CAMK1D: variants seen among roughly 807,000 people sequenced by gnomAD.
The protein encoded by CAMK1D is calcium/calmodulin-dependent protein kinase type 1D.
In CAMK1D, 9 loss-of-function variants were observed where a neutral mutation model predicts 47.7. The observed-to-expected ratio is 0.19, with a 90% CI of 0.11 to 0.33. The LOEUF is 0.33. Ranked by LOEUF, CAMK1D falls within the 10% of genes least tolerant of loss-of-function variation. The pLI is 1.00. For missense variants in CAMK1D, 291 were observed against 488.7 expected, an observed-to-expected ratio of 0.60 and a Z score of 3.81; for synonymous variants, 184 against 184.9, an observed-to-expected ratio of 0.99 and a Z score of 0.04.
intron 1 of CAMK1D, among the ~76,000 whole-genome samples, chr10:12,389,276 C>G (rs1838635049): frequency 6.6e-6 from 1 of 152,114 alleles, no homozygotes; most frequent in African/African-American, 2.4e-5. Context: ...TGGCGCGTGC[C>G]AGCCCCGGGT....
At chr10:12,578,294 C>T (rs1345736617) in intron 2 of CAMK1D, among the ~76,000 whole-genome samples, 1 of 152,008 alleles carries the variant, frequency 6.6e-6, no homozygotes, top group African/African-American at 2.4e-5. Flanking sequence ...GCCTGTAATC[C>T]CAGGACTTTG....
intron 1 of CAMK1D, among the ~76,000 whole-genome samples, chr10:12,517,298 A>G (rs1383988492): frequency 1.3e-5 from 2 of 152,234 alleles, no homozygotes; most frequent in Non-Finnish European, 2.9e-5. Flanking sequence ...ATTTTTAAAA[A>G]CATAAACAAT....
At chr10:12,648,923 A>G (rs1045579106) in intron 2 of CAMK1D, among the ~76,000 whole-genome samples, 2 of 152,164 alleles carry the variant, frequency 1.3e-5, no homozygotes, top group African/African-American at 4.8e-5. Context: ...TGTTGCCTAG[A>G]CTGGAGAGCA....
chr10:12,714,054 C>T (rs1372763117), intron 3 of CAMK1D, among the ~76,000 whole-genome samples: 1 of 152,196 alleles, frequency 6.6e-6, no homozygotes, highest in Non-Finnish European at 1.5e-5. Context: ...CTGGAACCCT[C>T]ACCTCCACTG....
chr10:12,484,954 T>A (rs1208476549), intron 1 of CAMK1D, among the ~76,000 whole-genome samples: 1 of 152,184 alleles, frequency 6.6e-6, no homozygotes, highest in African/African-American at 2.4e-5. Context: ...CTTCTCCTCC[T>A]ACCCCAGGCC....
intron 2 of CAMK1D, among the ~76,000 whole-genome samples, chr10:12,591,886 G>T (rs577430986): frequency 8.8e-4 from 134 of 152,206 alleles, no homozygotes; most frequent in African/African-American, 2.9e-3. Flanking sequence ...GTAGAGACAG[G>T]GTTTCACTAT....
chr10:12,558,646 A>C (rs1017724806), intron 2 of CAMK1D, among the ~76,000 whole-genome samples: 1 of 152,184 alleles, frequency 6.6e-6, no homozygotes, highest in Non-Finnish European at 1.5e-5. Flanking sequence ...CATTTAAATG[A>C]GAGGTGAAGA....
intron 1 of CAMK1D, among the ~76,000 whole-genome samples, chr10:12,404,698 A>ATT (rs34265555): frequency 2.7e-4 from 40 of 146,050 alleles, no homozygotes; most frequent in South Asian, 1.3e-3. Flanking sequence ...GTTTTTAAAA[A>ATT]TTTTTTTTTT....
Position 12,538,031 on chromosome 10 carries a change from A to G in CAMK1D, c.93-15194A>G, listed in dbSNP as rs540491989. On this transcript the variant is annotated intron_variant, in intron 1 of 10. Coordinates refer to ENST00000619168, the MANE Select transcript of CAMK1D (RefSeq NM_153498.4). Reference sequence around the variant, plus strand: ...GTATCAAATGCTAGGCCGAAGAACAATGACACGACTTGTGTTCCATCTTTT... The same window carrying G: ...GTATCAAATGCTAGGCCGAAGAACAGTGACACGACTTGTGTTCCATCTTTT... Among the ~76,000 whole-genome samples, 11 of 152,312 alleles carry G rather than the reference A, an allele frequency of 7.2e-5. No individual in the cohort carries two copies. The South Asian group carries it at 2.1e-3, about 29-fold the overall frequency.
chr10:12,789,303 C>G lies in CAMK1D; in HGVS notation c.566-1855C>G, dbSNP rs557778676. Among the ~76,000 whole-genome samples, 103 of 152,230 alleles carry G rather than the reference C, an allele frequency of 6.8e-4. 1 individual carries two copies. In the Middle Eastern group the frequency reaches 0.017, roughly 25 times the overall value. ...GACAATTCTTCTTCTTCCACTGTGG[C>G]CCAGGGAAACCAAAAGATTGGACAC... is the stretch of plus-strand genomic sequence containing the variant. On this transcript the variant is annotated intron_variant, in intron 5 of 10. Transcript: ENST00000619168.
chr10:12,574,910 G>A lies in CAMK1D; in HGVS notation c.224+21554G>A, dbSNP rs139781994. ...CACGCTTCTAACAACCAGATCTCAC[G>A]AGAACTCACTATGAGGAGAACAACA... On this transcript the variant is annotated intron_variant, in intron 2 of 10. Coordinates refer to ENST00000619168, the MANE Select transcript of CAMK1D (RefSeq NM_153498.4). Among the ~76,000 whole-genome samples, 789 of 152,118 alleles carry A rather than the reference G, an allele frequency of 5.2e-3. 10 individuals carry two copies. Among genetic ancestry groups the A allele is most frequent in the African/African-American group, 0.017 (717 of 41,494 alleles).
chr10:12,570,649 C>A (rs1225672217), intron 2 of CAMK1D, among the ~76,000 whole-genome samples: 2 of 133,422 alleles, frequency 1.5e-5, no homozygotes, highest in Admixed American at 1.7e-4. Flanking sequence ...CATTGTGCTC[C>A]AGCTTGGGCA....
At position 12,832,286 on chromosome 10, in the gene CAMK1D, C is replaced by T. The variant is rs977048900; in HGVS notation, c.*3399C>T. ...AACAGGCCAGCAGCTTGGCCCTTTT[C>T]ACAGAGGTGGCCTTGGAGTCTGGAG... On this transcript the variant is annotated 3_prime_UTR_variant, in exon 11 of 11. Transcript: ENST00000619168. The T allele has an allele frequency of 6.6e-6, 1 of 152,280 alleles. No homozygotes were observed. The allele number at this position is 152,280 out of a possible 1,614,324, so 9.4% of individuals were successfully genotyped here. A position where few individuals can be genotyped will look rare whatever the true frequency, so the allele number is the denominator to read the frequency against.
intron 1 of CAMK1D, among the ~76,000 whole-genome samples, chr10:12,524,661 G>C (rs1258205797): frequency 1.3e-5 from 2 of 151,918 alleles, no homozygotes; most frequent in African/African-American, 4.8e-5. Flanking sequence ...GAGCCAAGAT[G>C]GCACCACTGC....
intron 3 of CAMK1D, among the ~76,000 whole-genome samples, chr10:12,735,350 C>T (rs993365471): frequency 4.6e-5 from 7 of 152,038 alleles, no homozygotes; most frequent in Non-Finnish European, 7.4e-5. Context: ...TGGTGGCGGG[C>T]GCCTGTAGTC....
intron 1 of CAMK1D, among the ~76,000 whole-genome samples, chr10:12,441,533 A>G (rs565496669): frequency 4.0e-4 from 61 of 152,006 alleles, no homozygotes; most frequent in African/African-American, 1.4e-3. Context: ...TTTGTTAAAA[A>G]AAAAAAAAAG....
chr10:12,545,435 C>T (rs1344924443), intron 1 of CAMK1D, among the ~76,000 whole-genome samples: 8 of 122,034 alleles, frequency 6.6e-5, no homozygotes, highest in Admixed American at 2.1e-4. Flanking sequence ...GGTGACAGAG[C>T]GAGACTCCAT....
intron 2 of CAMK1D, among the ~76,000 whole-genome samples, chr10:12,566,877 G>A (rs902576745): frequency 6.6e-6 from 1 of 152,158 alleles, no homozygotes; most frequent in African/African-American, 2.4e-5. Flanking sequence ...AATTAGATGC[G>A]CTGTTCTTTC....
chr10:12,760,918 T>C lies in CAMK1D; in HGVS notation c.300-30T>C, dbSNP rs752776384. The C allele has an allele frequency of 3.1e-6, 5 of 1,599,356 alleles. No homozygotes were observed. The African/African-American group carries it at 6.7e-5, about 21-fold the overall frequency. On this transcript the variant is annotated intron_variant, in intron 3 of 10. Coordinates refer to ENST00000619168, the MANE Select transcript of CAMK1D (RefSeq NM_153498.4). ...TCCCTTCACAATTCAACAGATCCTT[T>C]CAAACTTCTAATATGTTCTTTTTTG...
Sources: allele counts gnomAD v4.1 joint callset (sites outside exome capture counted in the v4.1 genomes callset), GRCh38; gene constraint gnomAD v4.1.1; transcripts MANE v1.5; gene names NCBI Gene and HGNC (gene_info 2026-07-23, HGNC 2026-07-21).